Variants in SHISA9 observed in about 807,000 individuals in gnomAD.
SHISA9 encodes the protein shisa family member 9.
In SHISA9, 13 loss-of-function variants were observed where a neutral mutation model predicts 38.0. The ratio of observed to expected loss-of-function variants is 0.34; its 90% confidence interval spans 0.22 to 0.54. The LOEUF is 0.54. Ranked by LOEUF, SHISA9 falls within the 20% of genes least tolerant of loss-of-function variation. The pLI, the probability that SHISA9 is intolerant of heterozygous loss-of-function variation, is 0.91. For synonymous variants in SHISA9, 275 were observed against 242.0 expected (o/e 1.14, Z -1.27); for missense variants, 538 against 575.8 (o/e 0.93, Z 0.67).
At chr16:13,458,635 A>G in the SHISA9 span, 7 of 355,358 alleles carry the variant, frequency 2.0e-5, no homozygotes, top group South Asian at 1.7e-4. Flanking sequence ...CAACACTATT[A>G]TGCAGATGTA....
At chr16:12,953,896 CT>C (rs1411446341) in intron 2 of SHISA9, among the ~76,000 whole-genome samples, 1 of 152,150 alleles carries the variant, frequency 6.6e-6, no homozygotes, top group African/African-American at 2.4e-5. Flanking sequence ...AAGTGCCACA[CT>C]TTAAAACCAT....
chr16:13,016,508 A>G (rs1264286902), intron 2 of SHISA9, among the ~76,000 whole-genome samples: 1 of 152,210 alleles, frequency 6.6e-6, no homozygotes, highest in African/African-American at 2.4e-5. Flanking sequence ...GAGAATATTA[A>G]TGCCTCTGGG....
intron 2 of SHISA9, among the ~76,000 whole-genome samples, chr16:12,942,078 C>T (rs2071619236): frequency 6.6e-6 from 1 of 152,102 alleles, no homozygotes; most frequent in Non-Finnish European, 1.5e-5. Context: ...CAGTGACAGC[C>T]TGATGGTAAT....
At chr16:12,943,597 T>A (rs1380529424) in intron 2 of SHISA9, among the ~76,000 whole-genome samples, 1 of 152,100 alleles carries the variant, frequency 6.6e-6, no homozygotes, top group Non-Finnish European at 1.5e-5. Flanking sequence ...TGAATGCATC[T>A]CTCCTTACAG....
At chr16:13,134,289 G>A (rs991720895) in intron 2 of SHISA9, among the ~76,000 whole-genome samples, 5 of 152,124 alleles carry the variant, frequency 3.3e-5, no homozygotes, top group Admixed American at 6.6e-5. Flanking sequence ...AATAATGTAC[G>A]TAAAGCACAT....
intron 2 of SHISA9, among the ~76,000 whole-genome samples, chr16:13,172,079 C>T (rs2050691564): frequency 6.6e-6 from 1 of 152,122 alleles, no homozygotes; most frequent in Non-Finnish European, 1.5e-5. Flanking sequence ...TTCCCTCCTT[C>T]CCTCCTCTCT....
chr16:13,252,915 A>G, the SHISA9 span, among the ~76,000 whole-genome samples: 1 of 152,128 alleles, frequency 6.6e-6, no homozygotes, highest in South Asian at 2.1e-4. Flanking sequence ...GTCCATTTAT[A>G]CTTGCATTTT....
chr16:13,070,618 A>G (rs538473752), intron 2 of SHISA9, among the ~76,000 whole-genome samples: 73 of 152,330 alleles, frequency 4.8e-4, no homozygotes, highest in African/African-American at 1.6e-3. Flanking sequence ...AAAAGGCAGG[A>G]GGCCGGGAAG....
chr16:13,356,236 G>A, the SHISA9 span, among the ~76,000 whole-genome samples: 1 of 152,182 alleles, frequency 6.6e-6, no homozygotes, highest in Admixed American at 6.5e-5. Context: ...AATTTTTGGA[G>A]TTTTATTTAA....
At chr16:13,225,776 A>T (rs1283923935) in intron 4 of SHISA9, among the ~76,000 whole-genome samples, 1 of 152,190 alleles carries the variant, frequency 6.6e-6, no homozygotes, top group Non-Finnish European at 1.5e-5. Context: ...GCCAGGCTCC[A>T]TCCCGCCCCG....
chr16:13,495,926 T>C, the SHISA9 span, among the ~76,000 whole-genome samples: 1 of 152,046 alleles, frequency 6.6e-6, no homozygotes, highest in African/African-American at 2.4e-5. Flanking sequence ...AAATAAAAGA[T>C]GTGGAGAACC....
At chr16:12,909,508 T>G (rs924624515) in intron 1 of SHISA9, 37 of 985,316 alleles carry the variant, frequency 3.8e-5, no homozygotes, top group Admixed American at 6.1e-5. Context: ...GTCATATATT[T>G]GTCATTGTAA....
chr16:13,329,081 T>C, the SHISA9 span, among the ~76,000 whole-genome samples: 1 of 152,058 alleles, frequency 6.6e-6, no homozygotes, highest in Non-Finnish European at 1.5e-5. Flanking sequence ...AAACCTCATG[T>C]ACAGGAAGGA....
the SHISA9 span, among the ~76,000 whole-genome samples, chr16:13,550,817 T>A: frequency 6.6e-6 from 1 of 152,204 alleles, no homozygotes; most frequent in Non-Finnish European, 1.5e-5. Context: ...AAGAACACAT[T>A]CTTCTTCAAG....
the SHISA9 span, among the ~76,000 whole-genome samples, chr16:13,491,648 T>C: frequency 3.3e-5 from 5 of 151,440 alleles, no homozygotes; most frequent in Admixed American, 3.3e-4. Flanking sequence ...CCAGCAGGCC[T>C]GGTTCATTTT....
chr16:13,177,627 C>T (rs1032323897), intron 2 of SHISA9, among the ~76,000 whole-genome samples: 10 of 151,774 alleles, frequency 6.6e-5, no homozygotes, highest in African/African-American at 2.4e-4. Flanking sequence ...ATTACTGGCT[C>T]CTGGAGGCAA....
intron 2 of SHISA9, among the ~76,000 whole-genome samples, chr16:12,984,494 G>C (rs1157334812): frequency 1.3e-5 from 2 of 152,162 alleles, no homozygotes; most frequent in African/African-American, 4.8e-5. Flanking sequence ...TCTCTCTAGA[G>C]GTGGGAAATG....
Position 13,235,519 on chromosome 16 carries a change from C to G in SHISA9, c.*110C>G. On this transcript the variant is annotated 3_prime_UTR_variant, in exon 5 of 5. Transcript: ENST00000558583. ...CCTAATACATGCGTCCACACACTCA[C>G]TCTCAACAAGAACCAACTCTAAACC... is the stretch of plus-strand genomic sequence containing the variant. 1.5e-6 allele frequency: 2 copies of G among 1,310,034 alleles called. No homozygotes were observed. Among genetic ancestry groups the G allele is most frequent in the African/African-American group, 1.5e-5 (1 of 67,274 alleles). The allele number at this position is 1,310,034 out of a possible 1,614,324, so 81.2% of individuals were successfully genotyped here. A position where few individuals can be genotyped will look rare whatever the true frequency, so the allele number is the denominator to read the frequency against.
At chr16:13,045,578 A>T (rs1029329527) in intron 2 of SHISA9, among the ~76,000 whole-genome samples, 4 of 147,452 alleles carry the variant, frequency 2.7e-5, no homozygotes, top group Admixed American at 1.4e-4. Flanking sequence ...TCTCCCACAG[A>T]GCTTTGGCTT....
Sources: gnomAD v4.1 joint callset for allele counts (sites outside exome capture counted in the v4.1 genomes callset) on GRCh38, gnomAD v4.1.1 for gene constraint, MANE v1.5 for transcripts, NCBI Gene and HGNC (gene_info 2026-07-23, HGNC 2026-07-21) for gene names.